CSMD1: variants seen among roughly 807,000 people sequenced by gnomAD.
CSMD1 encodes CUB and sushi domain-containing protein 1.
In CSMD1, 213 loss-of-function variants were observed where a neutral mutation model predicts 417.5. The ratio of observed to expected loss-of-function variants is 0.51; its 90% CI spans 0.46 to 0.57. CSMD1 has a LOEUF of 0.57. CSMD1 is among the 20% of genes least tolerant of loss of function. The pLI is 0.00. For missense variants in CSMD1, 6,923 were observed against 4,529.7 expected (o/e 1.53, Z -15.17); for synonymous variants, 2,862 against 1,736.8 (o/e 1.65, Z -16.11).
intron 1 of CSMD1, among the ~76,000 whole-genome samples, chr8:4,829,555 A>T (rs1172539452): frequency 6.6e-6 from 1 of 152,086 alleles, no homozygotes; most frequent in Non-Finnish European, 1.5e-5. Flanking sequence ...CAGTCTGGGC[A>T]ACATGGCAAC....
intron 12 of CSMD1, among the ~76,000 whole-genome samples, chr8:3,451,283 G>T (rs1446264568): frequency 6.6e-6 from 1 of 152,146 alleles, no homozygotes; most frequent in Non-Finnish European, 1.5e-5. Flanking sequence ...CACTCTGATG[G>T]TAGTTTCTTT....
rs139821363 is a variant in CSMD1 at position 4,024,595 on chromosome 8, C to G, written c.610+7310G>C. On this transcript the variant is annotated intron_variant, in intron 4 of 69. Coordinates refer to ENST00000635120, the MANE Select transcript of CSMD1 (RefSeq NM_033225.6). ...TTATTACAGAAATAATCATATTTTCCCTGCCCATTTCTTAAGGTTCTTTGA... is the reference window on the plus strand; with the variant it reads ...TTATTACAGAAATAATCATATTTTCGCTGCCCATTTCTTAAGGTTCTTTGA... Among the ~76,000 whole-genome samples the G allele has an allele frequency of 2.3e-3, 353 of 152,154 alleles. 2 individuals carry two copies. The highest frequency in any genetic ancestry group is 7.8e-3 in the African/African-American group (323 of 41,502).
Position 2,954,245 on chromosome 8 carries a change from C to A in CSMD1, c.10018G>T (p.Glu3340Ter). Residue 3340 changes from glutamate (E) to a stop codon, truncating the protein, a stop_gained, in exon 65 of 70, where the codon GAA (glutamate) becomes TAA (stop). Transcript: ENST00000635120. LOFTEE classifies it high-confidence loss of function. ...CKSKGVREVN[E>*]TVTKTPVPSD... ...AAACCTGGAGTTTTAGTAACTGTTT[C>A]ATTAACTTCTCTCACTCCTTTACCT... 1 of 1,502,150 alleles carries A rather than the reference C, an allele frequency of 6.7e-7. No individual in the cohort carries two copies. Among genetic ancestry groups the A allele is most frequent in the Non-Finnish European group, 9.0e-7 (1 of 1,108,888 alleles). 93.1% of individuals were successfully genotyped at this position (1,502,150 alleles called of 1,614,324 possible).
chr8:3,153,794 G>T (rs1029302186), intron 39 of CSMD1, among the ~76,000 whole-genome samples: 2 of 152,154 alleles, frequency 1.3e-5, no homozygotes. Context: ...CTGATCATGG[G>T]CCTGACCACT....
At chr8:3,813,440 A>C (rs2129078472) in intron 5 of CSMD1, among the ~76,000 whole-genome samples, 1 of 152,266 alleles carries the variant, frequency 6.6e-6, no homozygotes, top group Non-Finnish European at 1.5e-5. Context: ...ATTTTAATTA[A>C]GTCTATAAGC....
intron 1 of CSMD1, among the ~76,000 whole-genome samples, chr8:4,727,208 G>T (rs530830216): frequency 6.6e-6 from 1 of 152,114 alleles, no homozygotes; most frequent in Non-Finnish European, 1.5e-5. Context: ...ACTGATCAAT[G>T]ATGAAGAGTC....
At chr8:3,215,019 G>A (rs1354562547) in intron 29 of CSMD1, among the ~76,000 whole-genome samples, 1 of 151,960 alleles carries the variant, frequency 6.6e-6, no homozygotes, top group Admixed American at 6.6e-5. Context: ...ACAGATTTTA[G>A]GACTGAATCA....
intron 25 of CSMD1, among the ~76,000 whole-genome samples, chr8:3,285,078 T>G (rs145164668): frequency 6.6e-6 from 1 of 152,142 alleles, no homozygotes; most frequent in Non-Finnish European, 1.5e-5. Context: ...AAGGGTTTAG[T>G]TGAAACACCA....
intron 3 of CSMD1, among the ~76,000 whole-genome samples, chr8:4,178,806 A>C (rs973526863): frequency 6.6e-6 from 1 of 152,252 alleles, no homozygotes; most frequent in Non-Finnish European, 1.5e-5. Context: ...CAGCCAAATC[A>C]GGAGTGAACT....
chr8:4,111,645 T>C (rs139391245), intron 3 of CSMD1, among the ~76,000 whole-genome samples: 12 of 152,278 alleles, frequency 7.9e-5, no homozygotes, highest in Admixed American at 5.2e-4. Context: ...TAGAAGCCAT[T>C]ATCTTCAGCA....
chr8:4,924,086 T>C (rs1806690081), intron 1 of CSMD1, among the ~76,000 whole-genome samples: 1 of 152,172 alleles, frequency 6.6e-6, no homozygotes. Flanking sequence ...CAAGACAAGT[T>C]TCTGCCGTCA....
At chr8:4,313,800 G>C (rs1021374438) in intron 3 of CSMD1, among the ~76,000 whole-genome samples, 5 of 152,104 alleles carry the variant, frequency 3.3e-5, no homozygotes, top group East Asian at 3.9e-4. Context: ...CGGATCAAAA[G>C]GTCAGGAGTT....
chr8:4,226,461 A>G (rs549132795), intron 3 of CSMD1, among the ~76,000 whole-genome samples: 51 of 152,332 alleles, frequency 3.3e-4, no homozygotes, highest in African/African-American at 1.2e-3. Context: ...AAGAATTAAA[A>G]TACTTGCAAT....
At chr8:4,025,692 A>T (rs542189162) in intron 4 of CSMD1, among the ~76,000 whole-genome samples, 48 of 152,266 alleles carry the variant, frequency 3.2e-4, no homozygotes, top group African/African-American at 1.1e-3. Flanking sequence ...AGAATAACGA[A>T]TAGTTGAAAG....
Position 4,371,599 on chromosome 8 carries a change from C to T in CSMD1, c.415+48354G>A, listed in dbSNP as rs1235435449. 2.0e-5 allele frequency among the ~76,000 whole-genome samples: 3 copies of T among 152,108 alleles called. No individual in the cohort carries two copies. The South Asian group carries it at 6.2e-4, about 31-fold the overall frequency. On this transcript the variant is annotated intron_variant, in intron 3 of 69. Transcript: ENST00000635120. ...TCATGGATTCAAAATGCTGATTTCT[C>T]TGCTTCATAAAAATTCATCTTACTG...
intron 26 of CSMD1, among the ~76,000 whole-genome samples, chr8:3,275,695 A>T (rs1019308629): frequency 6.6e-6 from 1 of 152,006 alleles, no homozygotes; most frequent in Non-Finnish European, 1.5e-5. Context: ...TCCATCACTG[A>T]TACCATTTCT....
At position 3,018,556 on chromosome 8, in the gene CSMD1, G is replaced by T; in HGVS notation, c.7950C>A (p.Thr2650=). ...YGATAIFTCN[T]GYTLVGSHVR... ...CATGAGACCCCACAAGCGTGTAGCC[G>T]GTGTTGCACGTAAATATAGCTGTGG... The change falls in exon 52 of 70, where the codon ACC becomes ACA. Residue 2650 remains threonine, a synonymous_variant. Coordinates refer to ENST00000635120, the MANE Select transcript of CSMD1 (RefSeq NM_033225.6). 1.9e-6 allele frequency: 3 copies of T among 1,613,442 alleles called. No individual in the cohort carries two copies. Among genetic ancestry groups the T allele is most frequent in the Non-Finnish European group, 2.5e-6 (3 of 1,179,712 alleles).
chr8:3,236,051 G>A (rs1384806536), intron 26 of CSMD1, among the ~76,000 whole-genome samples: 1 of 150,892 alleles, frequency 6.6e-6, no homozygotes, highest in Non-Finnish European at 1.5e-5. Flanking sequence ...CGGAGTAGCT[G>A]GGACTACAGG....
In CSMD1 at chr8:4,196,140, A is replaced by C. The variant is rs1714769; in HGVS notation, c.416-164041T>G. On this transcript the variant is annotated intron_variant, in intron 3 of 69. Transcript: ENST00000635120. ...GCAGGAGAATGGCTTGAACCCGGGA[A>C]GTGGAGCTTGCAGGGAGCCGAGATC... 3.6e-3 allele frequency among the ~76,000 whole-genome samples: 554 copies of C among 152,244 alleles called. 4 individuals carry two copies. The highest frequency in any genetic ancestry group is 5.6e-3 in the Non-Finnish European group (383 of 68,032).
Sources: allele counts gnomAD v4.1 joint callset (sites outside exome capture counted in the v4.1 genomes callset), GRCh38; gene constraint gnomAD v4.1.1; transcripts MANE v1.5; gene names NCBI Gene and HGNC (gene_info 2026-07-23, HGNC 2026-07-21).